EXOC6: variants seen among roughly 807,000 people sequenced by gnomAD.
EXOC6 encodes the protein exocyst complex component 6.
A neutral mutation model predicts 112.5 loss-of-function variants in EXOC6; 60 were observed. That is an observed-to-expected ratio of 0.53 (90% CI 0.43 to 0.66). The LOEUF is 0.66. Ranked by LOEUF, EXOC6 falls within the 30% of genes least tolerant of loss-of-function variation. The pLI, the probability that EXOC6 is intolerant of heterozygous loss-of-function variation, is 0.00. For synonymous variants in EXOC6, 295 were observed against 308.0 expected (o/e 0.96, Z 0.44); for missense variants, 855 against 957.1 (o/e 0.89, Z 1.41).
At chr10:92,914,728 C>T (rs1186167245) in intron 6 of EXOC6, among the ~76,000 whole-genome samples, 1 of 152,112 alleles carries the variant, frequency 6.6e-6, no homozygotes, top group Non-Finnish European at 1.5e-5. Context: ...GTCTGATAAC[C>T]TAAGTGTAGA....
chr10:92,873,072 A>G (rs1263138593), intron 1 of EXOC6, among the ~76,000 whole-genome samples: 1 of 152,160 alleles, frequency 6.6e-6, no homozygotes, highest in East Asian at 1.9e-4. Flanking sequence ...TATTTTCGCA[A>G]TTCATTTTAT....
chr10:92,969,808 C>G (rs1209943698), intron 17 of EXOC6, among the ~76,000 whole-genome samples: 2 of 152,128 alleles, frequency 1.3e-5, no homozygotes, highest in South Asian at 2.1e-4. Flanking sequence ...ATTCTCATGC[C>G]TCAGCCTCCT....
intron 20 of EXOC6, among the ~76,000 whole-genome samples, chr10:93,053,510 A>G (rs1846402676): frequency 6.6e-6 from 1 of 152,242 alleles, no homozygotes; most frequent in Non-Finnish European, 1.5e-5. Flanking sequence ...CCAATGCTGT[A>G]TCATGATGGA....
intron 1 of EXOC6, among the ~76,000 whole-genome samples, chr10:92,873,683 A>G (rs1009013593): frequency 1.3e-5 from 2 of 152,160 alleles, no homozygotes; most frequent in Admixed American, 6.5e-5. Flanking sequence ...TAGATGAAAT[A>G]TTTCATGGAA....
At chr10:92,957,817 C>G (rs7914459) in intron 17 of EXOC6, among the ~76,000 whole-genome samples, 48,269 of 151,960 alleles carry the variant, frequency 0.32, 8,432 homozygotes, top group East Asian at 0.74. Flanking sequence ...CTGAGGGACA[C>G]TGGGGAATTT....
intron 20 of EXOC6, among the ~76,000 whole-genome samples, chr10:93,050,990 T>A (rs1332380745): frequency 6.6e-6 from 1 of 152,142 alleles, no homozygotes; most frequent in Non-Finnish European, 1.5e-5. Context: ...ATTAACTATG[T>A]ATTTGATAAA....
Position 92,952,299 on chromosome 10 carries a change from G to A in EXOC6, c.1443G>A (p.Met481Ile). Residue 481 changes from methionine (M) to isoleucine (I), a missense_variant, in exon 15 of 22, where the codon ATG becomes ATA. Met to Ile is a conservative substitution (Grantham distance 10). This residue lies in a region of EXOC6 where 450 missense variants were observed against 563.5 expected (regional missense o/e 0.80). Transcript: ENST00000260762. ...AGTCTTTCCCAAAGAAATTCCCCATGTCTCAGTCAGTGCCTCATATTTACA... is the reference window on the plus strand; with the variant it reads ...AGTCTTTCCCAAAGAAATTCCCCATATCTCAGTCAGTGCCTCATATTTACA... ...EKQSFPKKFP[M>I]SQSVPHIYIQ... 1 of 1,610,396 alleles carries A rather than the reference G, an allele frequency of 6.2e-7. No homozygotes were observed. Among genetic ancestry groups the A allele is most frequent in the East Asian group, 2.2e-5 (1 of 44,790 alleles).
intron 7 of EXOC6, 30 bp downstream of exon 7, chr10:92,915,943 A>G (rs913333732): frequency 2.4e-5 from 35 of 1,447,796 alleles, no homozygotes; most frequent in Non-Finnish European, 3.0e-5. Flanking sequence ...CTTTTCTATT[A>G]TTAGATAATT....
intron 7 of EXOC6, 85 bp from the exon 8 acceptor site, chr10:92,919,896 CT>C: frequency 2.6e-6 from 2 of 760,310 alleles, no homozygotes; most frequent in South Asian, 4.2e-5. Flanking sequence ...GTTCATGAAT[CT>C]TCTTGCCTAT....
chr10:93,015,062 G>A (rs1218641756), intron 20 of EXOC6, among the ~76,000 whole-genome samples: 2 of 152,094 alleles, frequency 1.3e-5, no homozygotes, highest in African/African-American at 4.8e-5. Flanking sequence ...AGAATAGACA[G>A]TAGGAGTGAC....
chr10:92,921,015 C>G (rs1025400284), intron 8 of EXOC6, among the ~76,000 whole-genome samples: 1 of 152,072 alleles, frequency 6.6e-6, no homozygotes, highest in African/African-American at 2.4e-5. Flanking sequence ...ACACATAGTT[C>G]AGTCTGTTTT....
At chr10:92,971,811 A>G (rs924130543) in intron 17 of EXOC6, among the ~76,000 whole-genome samples, 7 of 151,916 alleles carry the variant, frequency 4.6e-5, no homozygotes, top group East Asian at 1.9e-4. Flanking sequence ...CACAGTTTCT[A>G]TTGGTTGCTT....
At chr10:92,864,682 G>A (rs1848090042) in intron 1 of EXOC6, among the ~76,000 whole-genome samples, 1 of 152,096 alleles carries the variant, frequency 6.6e-6, no homozygotes, top group African/African-American at 2.4e-5. Flanking sequence ...TGAAGGAAGG[G>A]TGAATTCTTT....
At chr10:92,910,333 A>G (rs1589813628) in intron 6 of EXOC6, among the ~76,000 whole-genome samples, 1 of 152,236 alleles carries the variant, frequency 6.6e-6, no homozygotes, top group Non-Finnish European at 1.5e-5. Flanking sequence ...AACATGTATG[A>G]ATCTCACAGA....
At chr10:93,048,270 A>G (rs1345390985) in intron 20 of EXOC6, among the ~76,000 whole-genome samples, 1 of 152,026 alleles carries the variant, frequency 6.6e-6, no homozygotes, top group Non-Finnish European at 1.5e-5. Context: ...TAATAAAAAA[A>G]AAAAATCTAA....
intron 19 of EXOC6, 104 bp downstream of exon 19, chr10:92,997,719 C>G: frequency 1.0e-6 from 1 of 1,000,178 alleles, no homozygotes; most frequent in Non-Finnish European, 1.4e-6. Flanking sequence ...GGGAGAAGGC[C>G]TGGTTCAGCT....
chr10:92,940,784 T>C lies in EXOC6; in HGVS notation c.1270T>C (p.Tyr424His), dbSNP rs1852622408. 1 of 1,611,540 alleles carries C rather than the reference T, an allele frequency of 6.2e-7. No homozygotes were observed. The highest frequency in any genetic ancestry group is 8.5e-7 in the Non-Finnish European group (1 of 1,179,094). ...CCTTTTATTTGAAATAAGAGACCAA[T>C]ACAATGAAACACTGCTTAAGAAATG... ...FDLLFEIRDQYNETLLKKWAG... is the reference protein window; with the variant it reads ...FDLLFEIRDQHNETLLKKWAG... Residue 424 changes from tyrosine to histidine, a missense_variant, in exon 13 of 22, where the codon TAC becomes CAC. By Grantham distance (83) the Tyr-to-His change is moderately conservative (BLOSUM62 2). Coordinates refer to ENST00000260762, the MANE Select transcript of EXOC6 (RefSeq NM_019053.6).
chr10:92,874,111 AT>A (rs1286428894), intron 1 of EXOC6, among the ~76,000 whole-genome samples: 1 of 151,620 alleles, frequency 6.6e-6, no homozygotes, highest in East Asian at 1.9e-4. Flanking sequence ...ATGTATATAC[AT>A]TTTTTTCCTC....
intron 5 of EXOC6, chr10:92,901,180 G>A (rs547278068): frequency 5.9e-5 from 9 of 152,148 alleles, no homozygotes; most frequent in African/African-American, 2.2e-4. Context: ...TTTGGTTAAG[G>A]GGAAGTCTAC....
Sources: allele counts gnomAD v4.1 joint callset (sites outside exome capture counted in the v4.1 genomes callset), GRCh38; gene constraint gnomAD v4.1.1; regional missense constraint gnomAD v4.1.1; transcripts MANE v1.5; gene names NCBI Gene and HGNC (gene_info 2026-07-23, HGNC 2026-07-21).